The following TPD52L2 variants were observed in gnomAD, a reference collection of about 807,000 sequenced individuals.
TPD52L2 encodes the protein TPD52 like 2.
TPD52L2 carries 19 observed loss-of-function variants against 24.7 expected under a neutral mutation model. The observed-to-expected ratio is 0.77, with a 90% CI of 0.54 to 1.13. The LOEUF is 1.13. Among genes scored for constraint, TPD52L2 ranks in the 50% most tolerant of loss-of-function variants. The pLI, the probability that TPD52L2 is intolerant of heterozygous loss-of-function variation, is 0.00. For missense variants in TPD52L2, 236 were observed against 250.4 expected, an observed-to-expected ratio of 0.94 and a Z score of 0.39; for synonymous variants, 104 against 100.2, an observed-to-expected ratio of 1.04 and a Z score of -0.23.
intron 5 of TPD52L2, among the ~76,000 whole-genome samples, chr20:63,885,782 C>A (rs1446098613): frequency 6.6e-6 from 1 of 152,224 alleles, no homozygotes; most frequent in African/African-American, 2.4e-5. Flanking sequence ...AGTTGCTAGT[C>A]ATGATCTTGC....
At chr20:63,881,301 A>C (rs1228092034) in intron 4 of TPD52L2, among the ~76,000 whole-genome samples, 1 of 151,756 alleles carries the variant, frequency 6.6e-6, no homozygotes, top group East Asian at 1.9e-4. Context: ...CGGAGGTTGT[A>C]GTGAGCTGAA....
intron 5 of TPD52L2, among the ~76,000 whole-genome samples, chr20:63,886,517 A>G (rs534944471): frequency 1.5e-4 from 23 of 151,748 alleles, no homozygotes; most frequent in Admixed American, 3.9e-4. Context: ...GCCCGCCGCC[A>G]CGCCCGGCTA....
intron 5 of TPD52L2, among the ~76,000 whole-genome samples, chr20:63,886,563 G>A (rs577280333): frequency 1.2e-4 from 18 of 151,680 alleles, no homozygotes; most frequent in South Asian, 8.3e-4. Flanking sequence ...GGGTTTCACC[G>A]TGGTCTCGAT....
chr20:63,876,809 C>T (rs899164617), intron 4 of TPD52L2: 2 of 455,602 alleles, frequency 4.4e-6, no homozygotes, highest in Non-Finnish European at 4.4e-6. Context: ...CGGCATGTTG[C>T]CCCGGGTATT....
intron 6 of TPD52L2, 59 bp from the exon 7 acceptor site, chr20:63,889,791 T>C: frequency 6.6e-7 from 1 of 1,514,602 alleles, no homozygotes; most frequent in Non-Finnish European, 9.1e-7. Context: ...GCCTGGGATC[T>C]GCCTTGTGTT....
At chr20:63,889,811 GTC>G in intron 6 of TPD52L2, 37 bp from the exon 7 acceptor site, 1 of 1,594,912 alleles carries the variant, frequency 6.3e-7, no homozygotes, top group Non-Finnish European at 8.6e-7. Context: ...TGTGTGCTCT[GTC>G]TCAGGTTTTT....
intron 3 of TPD52L2, among the ~76,000 whole-genome samples, chr20:63,874,229 TGTGTG>T (rs1331813659): frequency 2.2e-4 from 21 of 95,670 alleles, no homozygotes; most frequent in East Asian, 1.5e-3. Context: ...TTTTTTTTTT[TGTGTG>T]TGTGTGTGTG....
rs537421652 is a variant in TPD52L2 at position 63,877,587 on chromosome 20, C to T, written c.374+1712C>T. 2.6e-5 allele frequency among the ~76,000 whole-genome samples: 4 copies of T among 152,344 alleles called. No homozygotes were observed. The highest frequency in any genetic ancestry group is 4.8e-5 in the African/African-American group (2 of 41,594). ...CCTTGCAGTTTGGGCATCAGGCGGA[C>T]GCACAGTGCAGACTCAGTCTGAAAA... On this transcript the variant is annotated intron_variant, in intron 4 of 6. Transcript: ENST00000346249. The surrounding 1 kb of genome is among the most constrained non-coding windows in gnomAD (Gnocchi z 4.1).
At chr20:63,869,206 A>G in intron 1 of TPD52L2, 90 bp from the exon 2 acceptor site, 1 of 1,492,344 alleles carries the variant, frequency 6.7e-7, no homozygotes. Context: ...ACCCACTCCC[A>G]CCTGTGCTTT....
At chr20:63,871,957 A>G (rs960031612) in intron 2 of TPD52L2, among the ~76,000 whole-genome samples, 3 of 152,132 alleles carry the variant, frequency 2.0e-5, no homozygotes, top group Admixed American at 6.6e-5. Context: ...TTTAAAGAGA[A>G]GCTAGTCATA....
intron 4 of TPD52L2, among the ~76,000 whole-genome samples, chr20:63,881,393 G>A (rs1156248114): frequency 6.6e-6 from 1 of 151,988 alleles, no homozygotes; most frequent in African/African-American, 2.4e-5. Context: ...TGCATCCTCT[G>A]GTAGGCCTTG....
chr20:63,885,016 C>T (rs779623396), intron 5 of TPD52L2, among the ~76,000 whole-genome samples: 13 of 152,214 alleles, frequency 8.5e-5, no homozygotes, highest in Non-Finnish European at 1.3e-4. Context: ...GAGGTCTGGG[C>T]CCATTCACCT....
At chr20:63,866,526 T>C (rs2052242630) in intron 1 of TPD52L2, among the ~76,000 whole-genome samples, 1 of 152,102 alleles carries the variant, frequency 6.6e-6, no homozygotes, top group Admixed American at 6.6e-5. Context: ...AGTGGCTAGA[T>C]CTCGGCTCAC....
chr20:63,872,376 TTTTG>T (rs1031057858), intron 2 of TPD52L2, among the ~76,000 whole-genome samples: 5 of 152,060 alleles, frequency 3.3e-5, no homozygotes, highest in East Asian at 1.9e-4. Flanking sequence ...CCTCACTGTT[TTTTG>T]TTTGTTTGTT....
intron 4 of TPD52L2, among the ~76,000 whole-genome samples, chr20:63,881,678 C>T (rs886852545): frequency 6.6e-6 from 1 of 152,220 alleles, no homozygotes; most frequent in African/African-American, 2.4e-5. Context: ...TTTGCCAGCT[C>T]TCCAGGTTGG....
intron 5 of TPD52L2, among the ~76,000 whole-genome samples, chr20:63,885,634 T>C (rs1316412738): frequency 5.3e-5 from 8 of 152,200 alleles, no homozygotes. Context: ...CTGTGGCACA[T>C]TTCACACCTT....
chr20:63,868,742 G>A (rs1044228435), intron 1 of TPD52L2, among the ~76,000 whole-genome samples: 3 of 152,206 alleles, frequency 2.0e-5, no homozygotes, highest in Non-Finnish European at 4.4e-5. Flanking sequence ...TCGGGAATTG[G>A]AGACCAGCCT....
Position 63,877,667 on chromosome 20 carries a change from G to A in TPD52L2, c.374+1792G>A, listed in dbSNP as rs1054107874. On this transcript the variant is annotated intron_variant, in intron 4 of 6. Coordinates refer to ENST00000346249, the MANE Select transcript of TPD52L2 (RefSeq NM_003288.4). This position sits in a 1 kb window ranked among gnomAD's most constrained non-coding sequence, Gnocchi z 4.1. The stretch of plus-strand genomic sequence containing the variant: ...TAAAACCAACTGACATAAAGCTGCC[G>A]GGATCCTATTTCAAATAAATAGTGT... 1.1e-4 allele frequency among the ~76,000 whole-genome samples: 17 copies of A among 152,222 alleles called. No individual in the cohort carries two copies. Among genetic ancestry groups the A allele is most frequent in the South Asian group, 2.1e-4 (1 of 4,830 alleles).
In TPD52L2 at chr20:63,890,027, C is replaced by T; in HGVS notation, c.*82C>T. The T allele has an allele frequency of 6.3e-7, 1 of 1,589,382 alleles. No individual in the cohort carries two copies. Among genetic ancestry groups the T allele is most frequent in the African/African-American group, 1.3e-5 (1 of 74,614 alleles). ...CCGCAGCTCTGTTCAGCGGAGCAGCCAGCCAGGGCGGATGAGCAGAGCCGG... is the reference window on the plus strand; with the variant it reads ...CCGCAGCTCTGTTCAGCGGAGCAGCTAGCCAGGGCGGATGAGCAGAGCCGG... On this transcript the variant is annotated 3_prime_UTR_variant, in exon 7 of 7. Transcript: ENST00000346249.
Sources: gnomAD v4.1 joint callset for allele counts (sites outside exome capture counted in the v4.1 genomes callset) on GRCh38, gnomAD v4.1.1 for gene constraint, Gnocchi (gnomAD v3.1) non-coding constraint, MANE v1.5 for transcripts, NCBI Gene and HGNC (gene_info 2026-07-23, HGNC 2026-07-21) for gene names.